HDAC9: variants seen among roughly 807,000 people sequenced by gnomAD.
HDAC9 encodes the protein histone deacetylase 9.
Under a neutral mutation model 139.4 loss-of-function variants are expected in HDAC9, and 41 were observed. The ratio of observed to expected loss-of-function variants is 0.29; its 90% CI spans 0.23 to 0.38. HDAC9 has a LOEUF of 0.38. Among genes scored for constraint, HDAC9 ranks in the 10% least tolerant of loss-of-function variants. The pLI is 1.00. For missense variants in HDAC9, 1,147 were observed against 1,297.0 expected, an observed-to-expected ratio of 0.88 and a Z score of 1.78; for synonymous variants, 517 against 476.2, an observed-to-expected ratio of 1.09 and a Z score of -1.12.
At chr7:18,847,073 G>A (rs1796957793) in intron 21 of HDAC9, among the ~76,000 whole-genome samples, 2 of 152,086 alleles carry the variant, frequency 1.3e-5, no homozygotes, top group African/African-American at 2.4e-5. Flanking sequence ...GGGCCTCCCT[G>A]GTACCCTTAA....
chr7:18,172,443 T>C (rs1025113759), intron 2 of HDAC9, among the ~76,000 whole-genome samples: 4 of 152,216 alleles, frequency 2.6e-5, no homozygotes, highest in South Asian at 2.1e-4. Flanking sequence ...TTTATGTCTC[T>C]ATCTCCTTCA....
intron 1 of HDAC9, among the ~76,000 whole-genome samples, chr7:18,366,301 T>C (rs1489654167): frequency 6.6e-6 from 1 of 152,124 alleles, no homozygotes; most frequent in South Asian, 2.1e-4. Context: ...GGGTCAGTTA[T>C]TACTTGGCAG....
chr7:18,397,815 T>C (rs1680323847), intron 1 of HDAC9, among the ~76,000 whole-genome samples: 1 of 152,172 alleles, frequency 6.6e-6, no homozygotes, highest in African/African-American at 2.4e-5. Context: ...CTGAGTGTTA[T>C]TGACCCTATT....
At chr7:18,120,798 G>C (rs898692745) in intron 1 of HDAC9, among the ~76,000 whole-genome samples, 1 of 152,134 alleles carries the variant, frequency 6.6e-6, no homozygotes, top group Non-Finnish European at 1.5e-5. Context: ...TTTAGTTTTT[G>C]CTTCTCTTTG....
intron 2 of HDAC9, among the ~76,000 whole-genome samples, chr7:18,260,114 C>G (rs573606685): frequency 4.6e-5 from 7 of 152,100 alleles, no homozygotes; most frequent in Non-Finnish European, 8.8e-5. Context: ...GAATGATGAT[C>G]ACTACAATTA....
chr7:18,257,947 T>C (rs1795390894), intron 2 of HDAC9, among the ~76,000 whole-genome samples: 1 of 152,186 alleles, frequency 6.6e-6, no homozygotes. Flanking sequence ...TGCAGCATCA[T>C]CTGTGGCCTC....
Position 18,729,150 on chromosome 7 carries a change from G to A in HDAC9, c.1909+1393G>A, listed in dbSNP as rs529635919. Among the ~76,000 whole-genome samples, 19 of 152,266 alleles carry A rather than the reference G, an allele frequency of 1.2e-4. No individual in the cohort carries two copies. The South Asian group carries it at 3.9e-3, about 32-fold the overall frequency. On this transcript the variant is annotated intron_variant, in intron 13 of 25. Transcript: ENST00000686413. ...TTTTTTGCATGTAGAAAGAGCAATA[G>A]CCTTTAAGAATTACTTACTCTCTAT...
At chr7:18,166,543 G>C (rs557201424) in intron 2 of HDAC9, among the ~76,000 whole-genome samples, 2 of 152,052 alleles carry the variant, frequency 1.3e-5, no homozygotes, top group Admixed American at 6.6e-5. Context: ...AAAGTTCTTT[G>C]AAATATAAAT....
At chr7:18,297,684 G>T (rs750048823) in intron 1 of HDAC9, among the ~76,000 whole-genome samples, 7 of 152,134 alleles carry the variant, frequency 4.6e-5, no homozygotes, top group African/African-American at 1.4e-4. Flanking sequence ...ACAGTTTTTA[G>T]TCCTGATCCA....
At chr7:18,760,295 T>A (rs1340366526) in intron 14 of HDAC9, among the ~76,000 whole-genome samples, 2 of 152,186 alleles carry the variant, frequency 1.3e-5, no homozygotes. Flanking sequence ...AATCTCACAG[T>A]TAAAACGTTT....
At chr7:18,328,877 A>G (rs1800679347) in intron 1 of HDAC9, among the ~76,000 whole-genome samples, 1 of 151,850 alleles carries the variant, frequency 6.6e-6, no homozygotes, top group Non-Finnish European at 1.5e-5. Flanking sequence ...TTTGAGAAGG[A>G]TTGGTATTAG....
At chr7:18,434,205 A>C (rs998791464) in intron 1 of HDAC9, among the ~76,000 whole-genome samples, 1 of 152,240 alleles carries the variant, frequency 6.6e-6, no homozygotes, top group African/African-American at 2.4e-5. Context: ...GGAACTAGCT[A>C]TCCGTATGCA....
At chr7:18,174,720 G>A (rs1057299268) in intron 2 of HDAC9, among the ~76,000 whole-genome samples, 4 of 152,144 alleles carry the variant, frequency 2.6e-5, no homozygotes, top group Non-Finnish European at 4.4e-5. Context: ...CTCAGCTGCA[G>A]GTCTGTTGGA....
chr7:18,447,441 T>G (rs957147347), intron 1 of HDAC9, among the ~76,000 whole-genome samples: 7 of 152,144 alleles, frequency 4.6e-5, no homozygotes, highest in Non-Finnish European at 8.8e-5. Context: ...GACCTTGAGA[T>G]GTGTCTAGTT....
intron 1 of HDAC9, among the ~76,000 whole-genome samples, chr7:18,122,746 G>C (rs930752964): frequency 6.6e-6 from 1 of 152,086 alleles, no homozygotes; most frequent in Admixed American, 6.5e-5. Context: ...AGCCTCCTGA[G>C]TAGCTGGGAT....
rs537583379 is a variant in HDAC9, at chr7:18,612,402, A to T, written c.665-16948A>T. On this transcript the variant is annotated intron_variant, in intron 6 of 25. Transcript: ENST00000686413. ...TATTTATCTTTTTTTAAGAATTAAT[A>T]TACTTACTTATTGTTATTACAGTGA... Among the ~76,000 whole-genome samples the T allele has an allele frequency of 2.8e-4, 42 of 152,216 alleles. 1 individual carries two copies. In the South Asian group the frequency reaches 8.1e-3, roughly 29 times the overall value.
At chr7:18,760,850 C>T (rs1327084935) in intron 14 of HDAC9, among the ~76,000 whole-genome samples, 2 of 152,194 alleles carry the variant, frequency 1.3e-5, no homozygotes, top group Admixed American at 6.5e-5. Flanking sequence ...TGGCCTGCCC[C>T]TTCAGTGAAC....
At chr7:18,218,978 C>G (rs1260513338) in intron 2 of HDAC9, among the ~76,000 whole-genome samples, 2 of 152,076 alleles carry the variant, frequency 1.3e-5, no homozygotes, top group African/African-American at 4.8e-5. Flanking sequence ...CACATAATGT[C>G]AAAATATTCT....
In HDAC9 at chr7:18,098,856, G is replaced by A. The variant is rs531968993; in HGVS notation, c.-97+11643G>A. On this transcript the variant is annotated intron_variant, in intron 1 of 12. Transcript: ENST00000417496. ...AGAATTTTGAACTTGTGAATCCCCG[G>A]TTGAGCTTTTATCTTCTTATTGCTT... Among the ~76,000 whole-genome samples the A allele has an allele frequency of 3.3e-5, 5 of 152,242 alleles. No homozygotes were observed. In the South Asian group the frequency reaches 8.3e-4, roughly 25 times the overall value.
Sources: gnomAD v4.1 joint callset for allele counts (sites outside exome capture counted in the v4.1 genomes callset) on GRCh38, gnomAD v4.1.1 for gene constraint, MANE v1.5 for transcripts, NCBI Gene and HGNC (gene_info 2026-07-23, HGNC 2026-07-21) for gene names.